The following INTS6 variants were observed in gnomAD, a reference collection of about 807,000 sequenced individuals.
INTS6 encodes the protein integrator complex subunit 6.
In INTS6, 16 loss-of-function variants were observed where a neutral mutation model predicts 104.9. The ratio of observed to expected loss-of-function variants is 0.15; its 90% CI spans 0.10 to 0.23. INTS6 has a LOEUF of 0.23. INTS6 is among the 10% of genes least tolerant of loss of function. The probability of loss-of-function intolerance (pLI) is 1.00; values close to 1 mark genes in which losing one functional copy is unlikely to be tolerated. For synonymous variants in INTS6, 324 were observed against 358.7 expected (o/e 0.90, Z 1.09); for missense variants, 584 against 1,062.8 (o/e 0.55, Z 6.26).
At chr13:51,334,492 A>G in the INTS6 span, among the ~76,000 whole-genome samples, 53 of 152,214 alleles carry the variant, frequency 3.5e-4, no homozygotes, top group Non-Finnish European at 6.9e-4. Context: ...CTTGGATGGG[A>G]TAACTTATTA....
rs528168017 is a variant in INTS6 at position 51,372,155 on chromosome 13, G to T, written c.2104+2053C>A. ...TTCCTTTTACAACTAAACTTAACTG[G>T]TCGTTTATACTCATAGCCATTGTTT... On this transcript the variant is annotated intron_variant, in intron 15 of 17. Coordinates refer to ENST00000311234, the MANE Select transcript of INTS6 (RefSeq NM_012141.3). Among the ~76,000 whole-genome samples, 4 of 152,014 alleles carry T rather than the reference G, an allele frequency of 2.6e-5. No homozygotes were observed. In the East Asian group the frequency reaches 5.8e-4, roughly 22 times the overall value.
intron 3 of INTS6, among the ~76,000 whole-genome samples, chr13:51,434,260 T>C (rs1424318587): frequency 6.6e-6 from 1 of 152,194 alleles, no homozygotes; most frequent in East Asian, 1.9e-4. Context: ...ATAAAATCAG[T>C]GTATCTTCCC....
Position 51,374,451 on chromosome 13 carries a change from A to C in INTS6, c.1873-12T>G. On this transcript the variant is annotated splice_polypyrimidine_tract_variant and intron_variant, in intron 14 of 17. Transcript: ENST00000311234. ...TCTATCATCATACCCTTTAGCAAAA[A>C]AGAATACAACTTTCTTGAATTTACA... 1 of 1,609,822 alleles carries C rather than the reference A, an allele frequency of 6.2e-7. No individual in the cohort carries two copies. Among genetic ancestry groups the C allele is most frequent in the Non-Finnish European group, 8.5e-7 (1 of 1,176,462 alleles).
At chr13:51,422,835 C>A (rs1248449890) in intron 4 of INTS6, among the ~76,000 whole-genome samples, 4 of 152,046 alleles carry the variant, frequency 2.6e-5, no homozygotes, top group African/African-American at 7.2e-5. Flanking sequence ...TCCAGGTGTA[C>A]AATTTATAAT....
downstream of INTS6, chr13:51,353,980 T>A (rs1308596895): frequency 6.6e-6 from 1 of 152,208 alleles, no homozygotes; most frequent in African/African-American, 2.4e-5. Context: ...ATTGGTGTAG[T>A]GATTCTTTGT....
At chr13:51,411,331 A>G (rs1014919220) in intron 4 of INTS6, among the ~76,000 whole-genome samples, 15 of 152,010 alleles carry the variant, frequency 9.9e-5, no homozygotes, top group Non-Finnish European at 1.6e-4. Context: ...AGGAGGGTGG[A>G]TGACCTGAGG....
chr13:51,438,633 T>G (rs1952738176), intron 3 of INTS6: 1 of 152,254 alleles, frequency 6.6e-6, no homozygotes, highest in Admixed American at 6.5e-5. Context: ...GACCTTCTAT[T>G]CTTTCTACTA....
intron 3 of INTS6, chr13:51,448,661 A>C (rs1451606714): frequency 6.6e-6 from 1 of 152,230 alleles, no homozygotes; most frequent in Non-Finnish European, 1.5e-5. Flanking sequence ...GTGGATATCT[A>C]CATAAATATA....
Position 51,388,427 on chromosome 13 carries a change from CTT to C in INTS6, c.740-889_740-888del, listed in dbSNP as rs753795464. ...TTTTTTTTTGAGATGGAGTTTCACT[CTT>C]GTTGCCCAGGCTGGAGTGCAATGGT... is the stretch of plus-strand genomic sequence containing the variant. On this transcript the variant is annotated intron_variant, in intron 6 of 17. Transcript: ENST00000311234. Among the ~76,000 whole-genome samples the C allele has an allele frequency of 3.0e-4, 45 of 151,030 alleles. 1 individual carries two copies. The highest frequency in any genetic ancestry group is 2.5e-4 in the Non-Finnish European group (17 of 67,786).
intron 3 of INTS6, chr13:51,447,091 T>G (rs1025055148): frequency 6.6e-6 from 1 of 152,220 alleles, no homozygotes; most frequent in Non-Finnish European, 1.5e-5. Flanking sequence ...TACAAAATAC[T>G]ATTCATCATT....
At chr13:51,337,092 C>T in the INTS6 span, among the ~76,000 whole-genome samples, 1 of 152,202 alleles carries the variant, frequency 6.6e-6, no homozygotes, top group Non-Finnish European at 1.5e-5. Context: ...CTGGCTTGCT[C>T]TAGCTGTTCC....
chr13:51,390,078 A>G (rs1220523709), intron 5 of INTS6, among the ~76,000 whole-genome samples: 2 of 152,062 alleles, frequency 1.3e-5, no homozygotes, highest in East Asian at 3.8e-4. Flanking sequence ...AACTTATACT[A>G]CTTTTGGTTC....
intron 6 of INTS6, among the ~76,000 whole-genome samples, chr13:51,388,722 T>C (rs1956190463): frequency 6.6e-6 from 1 of 152,158 alleles, no homozygotes; most frequent in Admixed American, 6.5e-5. Flanking sequence ...ATAGGTAACA[T>C]ACAATGCAGA....
chr13:51,364,184 A>G lies in INTS6; in HGVS notation c.*1568T>C. 3.5e-6 allele frequency: 3 copies of G among 847,566 alleles called. No individual in the cohort carries two copies. The highest frequency in any genetic ancestry group is 5.4e-6 in the Non-Finnish European group (3 of 560,132). 52.5% of individuals were successfully genotyped at this position (847,566 alleles called of 1,614,324 possible). The stretch of plus-strand genomic sequence containing the variant: ...ATTTGTATAGAAGTAAACAAAGCTT[A>G]AAGAACTGCATATGAAAATACTATA... On this transcript the variant is annotated 3_prime_UTR_variant, in exon 18 of 18. Transcript: ENST00000311234.
chr13:51,384,176 A>G (rs1041643079), intron 7 of INTS6: 8 of 159,400 alleles, frequency 5.0e-5, no homozygotes, highest in Non-Finnish European at 1.1e-4. Flanking sequence ...GTAGATGTAC[A>G]TAACAAAATA....
At chr13:51,377,471 GT>G (rs1274808631) in intron 12 of INTS6, among the ~76,000 whole-genome samples, 1 of 151,914 alleles carries the variant, frequency 6.6e-6, no homozygotes, top group Admixed American at 6.6e-5. Context: ...TATAGTTTTT[GT>G]TCTTACATTT....
chr13:51,387,579 T>C (rs1956163945), intron 6 of INTS6, 39 bp from the exon 7 acceptor site: 1 of 1,460,538 alleles, frequency 6.8e-7, no homozygotes, highest in African/African-American at 1.4e-5. Context: ...GCATATATCA[T>C]AAGGGGGGAT....
chr13:51,444,241 C>G (rs1341101699), intron 3 of INTS6: 3 of 150,372 alleles, frequency 2.0e-5, no homozygotes, highest in African/African-American at 7.5e-5. Flanking sequence ...CATGCCACCA[C>G]CCCCCAGCTA....
chr13:51,452,822 GTCCCGTCCCCGC>G lies in INTS6; in HGVS notation c.-309_-298del. 8.5e-7 allele frequency: 1 copy of G among 1,171,036 alleles called. No homozygotes were observed. The highest frequency in any genetic ancestry group is 1.1e-6 in the Non-Finnish European group (1 of 941,426). 72.5% of individuals were successfully genotyped at this position (1,171,036 alleles called of 1,614,324 possible). A position where few individuals can be genotyped will look rare whatever the true frequency, so the allele number is the denominator to read the frequency against. On this transcript the variant is annotated 5_prime_UTR_variant, in exon 1 of 18. Coordinates refer to ENST00000311234, the MANE Select transcript of INTS6 (RefSeq NM_012141.3). The surrounding 1 kb of genome is among the most constrained non-coding windows in gnomAD (Gnocchi z 4.2). ...TCGGTTCGTCCCCCCCGCCTCGGGGGTCCCGTCCCCGCTCCCGGCCCCTGTGTGTGTCCCAGC... is the reference window on the plus strand; with the variant it reads ...TCGGTTCGTCCCCCCCGCCTCGGGGGTCCCGGCCCCTGTGTGTGTCCCAGC...
Sources: gnomAD v4.1 joint callset for allele counts (sites outside exome capture counted in the v4.1 genomes callset) on GRCh38, gnomAD v4.1.1 for gene constraint, Gnocchi (gnomAD v3.1) non-coding constraint, MANE v1.5 for transcripts, NCBI Gene and HGNC (gene_info 2026-07-23, HGNC 2026-07-21) for gene names.